The following C6orf141 variants were observed in gnomAD, a reference collection of about 807,000 sequenced individuals.
C6orf141 encodes the protein chromosome 6 open reading frame 141.
For synonymous variants in C6orf141, 164 were observed against 140.5 expected, an observed-to-expected ratio of 1.17 and a Z score of -1.18; for missense variants, 361 against 335.8, an observed-to-expected ratio of 1.07 and a Z score of -0.59.
chr6:49,554,182 C>T (rs1318725883), downstream of C6orf141, among the ~76,000 whole-genome samples: 1 of 152,148 alleles, frequency 6.6e-6, no homozygotes, highest in Non-Finnish European at 1.5e-5. Context: ...GTTTACATAC[C>T]TCCTAGTTCT....
rs1333295632 is a variant in C6orf141, at chr6:49,550,943, A to G, written c.151A>G (p.Thr51Ala). 1 of 1,544,504 alleles carries G rather than the reference A, an allele frequency of 6.5e-7. No individual in the cohort carries two copies. Among genetic ancestry groups the G allele is most frequent in the South Asian group, 1.2e-5 (1 of 83,422 alleles). The change falls in exon 1 of 1, where the codon ACG (threonine) becomes GCG (alanine). Residue 51 changes from threonine (T) to alanine (A), a missense_variant. By Grantham distance (58) the Thr-to-Ala change is moderately conservative. Transcript: ENST00000529246. ...AGCTCCGGGCGCCCGGAATCCCGCG[A>G]CGGCAGGGGCGAGCCGAAGCCAGGG... The part of the protein sequence containing the change: ...PLAPGARNPA[T>A]AGASRSQGGG...
chr6:49,558,004 G>A (rs1034118415), intron 4 of C6orf141, among the ~76,000 whole-genome samples: 5 of 150,106 alleles, frequency 3.3e-5, no homozygotes. Flanking sequence ...TGATTTTCCT[G>A]CCTGAGCCTC....
chr6:49,555,863 C>G (rs1337335981), downstream of C6orf141, among the ~76,000 whole-genome samples: 1 of 152,192 alleles, frequency 6.6e-6, no homozygotes, highest in Non-Finnish European at 1.5e-5. Flanking sequence ...GCCTTGGCCT[C>G]CCAACATGCT....
chr6:49,561,346 G>A (rs1009542872), intron 4 of C6orf141, among the ~76,000 whole-genome samples: 2 of 152,126 alleles, frequency 1.3e-5, no homozygotes, highest in Admixed American at 6.6e-5. Flanking sequence ...TGATCCCCCT[G>A]CCTTGGCCTC....
At position 49,550,917 on chromosome 6, in the gene C6orf141, T is replaced by C. The variant is rs1473433996; in HGVS notation, c.125T>C (p.Leu42Pro). 4 of 1,541,266 alleles carry C rather than the reference T, an allele frequency of 2.6e-6. No homozygotes were observed. The highest frequency in any genetic ancestry group is 2.6e-6 in the Non-Finnish European group (3 of 1,143,954). ...CGGGAGGTAGGGCGCGGGGCTCCGC[T>C]AGCTCCGGGCGCCCGGAATCCCGCG... ...FPREVGRGAPLAPGARNPATA... is the reference protein window; with the variant it reads ...FPREVGRGAPPAPGARNPATA... Residue 42 changes from leucine to proline, a missense_variant, in exon 1 of 1, where the codon CTA becomes CCA. Physicochemically the swap from Leu to Pro is moderately conservative, Grantham distance 98 (BLOSUM62 -3). Transcript: ENST00000529246.
At position 49,551,743 on chromosome 6, in the gene C6orf141, A is replaced by C. The variant is rs941327892; in HGVS notation, c.*216A>C. 7.1e-7 allele frequency: 1 copy of C among 1,405,432 alleles called. No homozygotes were observed. Among genetic ancestry groups the C allele is most frequent in the African/African-American group, 1.5e-5 (1 of 68,776 alleles). The allele number at this position is 1,405,432 out of a possible 1,614,324, so 87.1% of individuals were successfully genotyped here. The stretch of plus-strand genomic sequence containing the variant: ...TGTCTGGGGACCTAAGTCATTCAGA[A>C]GAGGTGGAGAAAAGATATTTTCAGA... On this transcript the variant is annotated 3_prime_UTR_variant, in exon 1 of 1. Transcript: ENST00000529246.
At chr6:49,553,375 T>G (rs1408027738), downstream of C6orf141, among the ~76,000 whole-genome samples, 1 of 152,250 alleles carries the variant, frequency 6.6e-6, no homozygotes, top group African/African-American at 2.4e-5. Flanking sequence ...GAATTCAGCA[T>G]CTGAGCTCAT....
downstream of C6orf141, among the ~76,000 whole-genome samples, chr6:49,553,450 A>G (rs1037868568): frequency 1.3e-5 from 2 of 152,204 alleles, no homozygotes; most frequent in East Asian, 1.9e-4. Flanking sequence ...CTTTTCCTTA[A>G]CAACCCTCCC....
exon 1 of C6orf141, chr6:49,551,419 T>TG: frequency 6.4e-7 from 1 of 1,551,610 alleles, no homozygotes; most frequent in Non-Finnish European, 8.7e-7. Context: ...GCTGGGGCCC[T>TG]GCTGAATCCC....
chr6:49,557,320 A>T (rs150169240), intron 4 of C6orf141, among the ~76,000 whole-genome samples: 1 of 152,184 alleles, frequency 6.6e-6, no homozygotes, highest in Non-Finnish European at 1.5e-5. Flanking sequence ...GCCCTCCCCA[A>T]AATAGAACAA....
At position 49,551,625 on chromosome 6, in the gene C6orf141, G is replaced by A. The variant is rs892451502; in HGVS notation, c.*98G>A. The stretch of plus-strand genomic sequence containing the variant: ...TCCAACCTGCAATTAACCTACAGAA[G>A]GAACCTTTTGAGAGGCTGGTGCAGC... On this transcript the variant is annotated 3_prime_UTR_variant, in exon 1 of 1. Coordinates refer to ENST00000529246, the MANE Select transcript of C6orf141 (RefSeq NM_001145652.2). 1.0e-5 allele frequency: 15 copies of A among 1,503,586 alleles called. No individual in the cohort carries two copies. In the African/African-American group the frequency reaches 1.8e-4, roughly 19 times the overall value. The allele number at this position is 1,503,586 out of a possible 1,614,324, so 93.1% of individuals were successfully genotyped here.
At chr6:49,558,148 T>A in intron 4 of C6orf141, among the ~76,000 whole-genome samples, 1 of 147,542 alleles carries the variant, frequency 6.8e-6, no homozygotes, top group Non-Finnish European at 1.5e-5. Context: ...AATGATCCAC[T>A]TGCCTTGGCC....
chr6:49,557,556 ATT>A (rs1772198259), intron 4 of C6orf141, among the ~76,000 whole-genome samples: 1 of 152,138 alleles, frequency 6.6e-6, no homozygotes, highest in Non-Finnish European at 1.5e-5. Flanking sequence ...ATGGTAAATT[ATT>A]TCTCTGCCCC....
At position 49,551,414 on chromosome 6, in the gene C6orf141, G is replaced by A. The variant is rs771175194; in HGVS notation, c.622G>A (p.Gly208Ser). The change falls in exon 1 of 1, where the codon GGC (glycine) becomes AGC (serine). Residue 208 changes from glycine to serine, a missense_variant. By Grantham distance (56) the Gly-to-Ser change is moderately conservative (BLOSUM62 0). Coordinates refer to ENST00000529246, the MANE Select transcript of C6orf141 (RefSeq NM_001145652.2). ...SREGQPGERWGPAESRALQAR... is the reference protein window; with the variant it reads ...SREGQPGERWSPAESRALQAR... Reference sequence around the variant, plus strand: ...AGAGGGACAGCCTGGGGAACGCTGGGGCCCTGCTGAATCCCGGGCTCTCCA... The same window carrying A: ...AGAGGGACAGCCTGGGGAACGCTGGAGCCCTGCTGAATCCCGGGCTCTCCA... 2 of 1,551,634 alleles carry A rather than the reference G, an allele frequency of 1.3e-6. No individual in the cohort carries two copies. Among genetic ancestry groups the A allele is most frequent in the Non-Finnish European group, 1.7e-6 (2 of 1,146,976 alleles).
chr6:49,559,779 C>A (rs938640082), intron 4 of C6orf141, among the ~76,000 whole-genome samples: 1 of 152,074 alleles, frequency 6.6e-6, no homozygotes, highest in African/African-American at 2.4e-5. Flanking sequence ...ATAAGGGGTA[C>A]CACATAATTT....
Position 49,551,092 on chromosome 6 carries a change from G to C in C6orf141, c.300G>C (p.Gly100=). Residue 100 remains glycine (G), a synonymous_variant, in exon 1 of 1, where the codon GGG becomes GGC. Coordinates refer to ENST00000529246, the MANE Select transcript of C6orf141 (RefSeq NM_001145652.2). ...LFLLHPERWL[G]TRGDPAREEV... ...TCCTGCACCCAGAGAGGTGGTTAGG[G>C]ACTCGAGGGGACCCTGCACGGGAAG... 1 of 1,551,652 alleles carries C rather than the reference G, an allele frequency of 6.4e-7. No homozygotes were observed. Among genetic ancestry groups the C allele is most frequent in the East Asian group, 2.4e-5 (1 of 40,886 alleles).
At chr6:49,559,801 A>G (rs1772907620) in intron 4 of C6orf141, among the ~76,000 whole-genome samples, 1 of 152,206 alleles carries the variant, frequency 6.6e-6, no homozygotes, top group Admixed American at 6.5e-5. Context: ...TAACAAAGCG[A>G]GAGAACTTTC....
chr6:49,559,209 TATATATATATATATATATATATA>T, intron 4 of C6orf141, among the ~76,000 whole-genome samples: 3 of 84,618 alleles, frequency 3.5e-5, no homozygotes, highest in Admixed American at 1.3e-4. Context: ...TATATATATA[TATATATATATATATATATATATA>T]TTCAGTCTTT....
chr6:49,551,896 G>T lies in C6orf141; in HGVS notation c.*369G>T. ...TTCTCTTTAGGACCTAGAAACAGAA[G>T]TGAAGTTTGAAGTCTGCTCTCTGCA... On this transcript the variant is annotated 3_prime_UTR_variant, in exon 1 of 1. Transcript: ENST00000529246. The T allele has an allele frequency of 9.0e-7, 1 of 1,108,814 alleles. No individual in the cohort carries two copies. Among genetic ancestry groups the T allele is most frequent in the South Asian group, 2.7e-5 (1 of 37,208 alleles). The allele number at this position is 1,108,814 out of a possible 1,614,324, so 68.7% of individuals were successfully genotyped here. A position where few individuals can be genotyped will look rare whatever the true frequency, so the allele number is the denominator to read the frequency against.
Sources: gnomAD v4.1 joint callset for allele counts (sites outside exome capture counted in the v4.1 genomes callset) on GRCh38, gnomAD v4.1.1 for gene constraint, MANE v1.5 for transcripts, NCBI Gene and HGNC (gene_info 2026-07-23, HGNC 2026-07-21) for gene names.